Variants in FOXP4 observed in about 807,000 individuals in gnomAD.
FOXP4 encodes the protein forkhead box P4.
A neutral mutation model predicts 82.6 loss-of-function variants in FOXP4; 25 were observed. That is an observed-to-expected ratio of 0.30 (90% CI 0.22 to 0.42). The LOEUF (loss-of-function observed/expected upper bound fraction) is 0.42, where lower values mean the gene tolerates loss of function less well. Among genes scored for constraint, FOXP4 ranks in the 10% least tolerant of loss-of-function variants. The probability of loss-of-function intolerance (pLI) is 1.00; values close to 1 mark genes in which losing one functional copy is unlikely to be tolerated. For synonymous variants in FOXP4, 415 were observed against 388.2 expected, an observed-to-expected ratio of 1.07 and a Z score of -0.81; for missense variants, 785 against 900.9, an observed-to-expected ratio of 0.87 and a Z score of 1.65.
At chr6:41,578,795 T>C (rs552753307) in intron 3 of FOXP4, among the ~76,000 whole-genome samples, 2 of 151,896 alleles carry the variant, frequency 1.3e-5, no homozygotes, top group African/African-American at 2.4e-5. Context: ...TGAGTCCGGG[T>C]TGGGTCACTA....
intron 2 of FOXP4, among the ~76,000 whole-genome samples, chr6:41,575,620 T>C (rs1414706245): frequency 6.6e-6 from 1 of 152,084 alleles, no homozygotes; most frequent in African/African-American, 2.4e-5. Flanking sequence ...TTGCCATTTT[T>C]TTCCTGTAAA....
Position 41,565,827 on chromosome 6 carries a change from C to A in FOXP4, c.67C>A (p.Leu23Ile), listed in dbSNP as rs201851555. 1 of 1,613,750 alleles carries A rather than the reference C, an allele frequency of 6.2e-7. No individual in the cohort carries two copies. Among genetic ancestry groups the A allele is most frequent in the Non-Finnish European group, 8.5e-7 (1 of 1,180,002 alleles). ...ATCTGGTCAGAATGGCGTGGGCAGC[C>A]TCTCTGGGCAAGCCGATGGCAGCAG... Reference protein sequence around the residue: ...APSGQNGVGSLSGQADGSSGG... With the variant: ...APSGQNGVGSISGQADGSSGG... Residue 23 changes from leucine (L) to isoleucine (I), a missense_variant, in exon 2 of 17, where the codon CTC (leucine) becomes ATC (isoleucine). Physicochemically the swap from Leu to Ile is conservative, Grantham distance 5. Transcript: ENST00000307972.
intron 1 of FOXP4, among the ~76,000 whole-genome samples, chr6:41,556,997 A>G (rs768857288): frequency 1.3e-5 from 2 of 152,194 alleles, no homozygotes; most frequent in Non-Finnish European, 2.9e-5. Context: ...TTACCTGCCC[A>G]TTAGTCTTTC....
intron 2 of FOXP4, among the ~76,000 whole-genome samples, chr6:41,574,359 C>T (rs910167262): frequency 1.8e-4 from 28 of 152,306 alleles, no homozygotes; most frequent in African/African-American, 6.7e-4. Context: ...GCCTCAGTTT[C>T]CTTGTCTGTA....
intron 1 of FOXP4, among the ~76,000 whole-genome samples, chr6:41,557,654 A>G (rs1270399291): frequency 6.6e-6 from 1 of 152,214 alleles, no homozygotes. Flanking sequence ...GAAACCATGT[A>G]TAGATTATGA....
intron 3 of FOXP4, among the ~76,000 whole-genome samples, chr6:41,581,535 T>G (rs902579396): frequency 1.3e-5 from 2 of 152,212 alleles, no homozygotes; most frequent in African/African-American, 4.8e-5. Context: ...CTGCTGAGCC[T>G]GCTAGCTGCA....
chr6:41,576,581 T>C (rs974759915), intron 2 of FOXP4, among the ~76,000 whole-genome samples: 4 of 151,994 alleles, frequency 2.6e-5, no homozygotes, highest in Non-Finnish European at 5.9e-5. Context: ...GTCTAATAAG[T>C]GCGCAGGGCA....
At chr6:41,590,725 C>G (rs1253528387) in intron 12 of FOXP4, among the ~76,000 whole-genome samples, 2 of 152,212 alleles carry the variant, frequency 1.3e-5, no homozygotes, top group African/African-American at 4.8e-5. Flanking sequence ...AGTATTCACA[C>G]TCAAGCATGA....
At chr6:41,573,231 A>T (rs7743632) in intron 2 of FOXP4, among the ~76,000 whole-genome samples, 25,477 of 151,536 alleles carry the variant, frequency 0.17, 2,577 homozygotes, top group African/African-American at 0.28. Flanking sequence ...AGAGAGAATG[A>T]CCCCTCTCCC....
intron 14 of FOXP4, 146 bp downstream of exon 14, chr6:41,595,137 A>G (rs1486809489): frequency 2.4e-6 from 3 of 1,248,676 alleles, no homozygotes; most frequent in Non-Finnish European, 3.3e-6. Context: ...AGCAGAGGAG[A>G]CTAGTGCTTG....
intron 2 of FOXP4, among the ~76,000 whole-genome samples, chr6:41,567,886 T>C (rs1257985446): frequency 6.6e-6 from 1 of 151,948 alleles, no homozygotes; most frequent in African/African-American, 2.4e-5. Context: ...GGGTGGGGAG[T>C]TGGAGGCAGG....
At position 41,585,462 on chromosome 6, in the gene FOXP4, A is replaced by G; in HGVS notation, c.455A>G (p.Gln152Arg). ...GAGTACTACAAGAAGCAGCAGGAGC[A>G]GCTCCACCTGCAGCTCCTCACCCAG... is the stretch of plus-strand genomic sequence containing the variant. ...LQEYYKKQQEQLHLQLLTQQQ... is the reference protein window; with the variant it reads ...LQEYYKKQQERLHLQLLTQQQ... The change falls in exon 5 of 17, where the codon CAG (glutamine) becomes CGG (arginine). Residue 152 changes from glutamine (Q) to arginine (R), a missense_variant. This residue lies in a region of FOXP4 where 570 missense variants were observed against 634.0 expected (regional missense o/e 0.90). Coordinates refer to ENST00000307972, the MANE Select transcript of FOXP4 (RefSeq NM_001012426.2). 1.2e-6 allele frequency: 2 copies of G among 1,613,908 alleles called. No homozygotes were observed. Among genetic ancestry groups the G allele is most frequent in the Non-Finnish European group, 1.7e-6 (2 of 1,179,894 alleles).
At chr6:41,573,063 C>T (rs532254362) in intron 2 of FOXP4, among the ~76,000 whole-genome samples, 160 of 152,308 alleles carry the variant, frequency 1.1e-3, no homozygotes, top group Non-Finnish European at 1.7e-3. Flanking sequence ...CCAAGCTCTT[C>T]GACTTCTCAT....
chr6:41,564,651 C>G (rs9471603), intron 1 of FOXP4, among the ~76,000 whole-genome samples: 13,631 of 152,184 alleles, frequency 0.09, 641 homozygotes, highest in Non-Finnish European at 0.099. Flanking sequence ...CTCTCTGGAC[C>G]TTCGGTTTTT....
chr6:41,590,760 C>T (rs963080785), intron 12 of FOXP4, among the ~76,000 whole-genome samples: 1 of 152,160 alleles, frequency 6.6e-6, no homozygotes, highest in African/African-American at 2.4e-5. Flanking sequence ...ATATGTCCTC[C>T]CTGATACCCA....
At chr6:41,551,389 T>C (rs1002731024) in intron 1 of FOXP4, among the ~76,000 whole-genome samples, 3 of 152,136 alleles carry the variant, frequency 2.0e-5, no homozygotes, top group African/African-American at 7.2e-5. Flanking sequence ...TTCCCGGCTG[T>C]CCCTCTGGCA....
intron 2 of FOXP4, among the ~76,000 whole-genome samples, chr6:41,572,739 A>G (rs1289297340): frequency 1.3e-5 from 2 of 152,060 alleles, no homozygotes; most frequent in African/African-American, 2.4e-5. Context: ...GCTGCCCCTC[A>G]CCACAATCCA....
intron 1 of FOXP4, among the ~76,000 whole-genome samples, chr6:41,552,534 C>A (rs557343918): frequency 6.6e-6 from 1 of 152,322 alleles, no homozygotes; most frequent in East Asian, 1.9e-4. Context: ...TTCCCCTCCC[C>A]AGCTGAGCGC....
intron 2 of FOXP4, among the ~76,000 whole-genome samples, chr6:41,567,449 G>A (rs954466767): frequency 6.6e-6 from 1 of 152,206 alleles, no homozygotes; most frequent in African/African-American, 2.4e-5. Flanking sequence ...GACCCACAGA[G>A]TCTGTGCCAT....
Sources: gnomAD v4.1 joint callset for allele counts (sites outside exome capture counted in the v4.1 genomes callset) on GRCh38, gnomAD v4.1.1 for gene constraint, gnomAD v4.1.1 regional missense constraint, MANE v1.5 for transcripts, NCBI Gene and HGNC (gene_info 2026-07-23, HGNC 2026-07-21) for gene names.